MYO3B: variants seen among roughly 807,000 people sequenced by gnomAD.
MYO3B encodes myosin-IIIb.
A neutral mutation model predicts 174.6 loss-of-function variants in MYO3B; 156 were observed. That is an observed-to-expected ratio of 0.89 (90% confidence interval 0.78 to 1.02). The LOEUF is 1.02. Ranked by LOEUF, MYO3B falls within the 50% of genes least tolerant of loss-of-function variation. MYO3B has a pLI of 0.00. For missense variants in MYO3B, 1,632 were observed against 1,639.4 expected (o/e 1.00, Z 0.08); for synonymous variants, 563 against 569.1 (o/e 0.99, Z 0.15).
intron 32 of MYO3B, among the ~76,000 whole-genome samples, chr2:170,585,376 C>CA (rs35829102): frequency 6.6e-6 from 1 of 151,268 alleles, no homozygotes; most frequent in African/African-American, 2.4e-5. Context: ...GGGGAGGACC[C>CA]AAAAAAAGTA....
intron 32 of MYO3B, among the ~76,000 whole-genome samples, chr2:170,579,535 A>G (rs1330178238): frequency 2.0e-5 from 3 of 152,220 alleles, no homozygotes; most frequent in East Asian, 1.9e-4. Flanking sequence ...ATTCCCTACC[A>G]TATTTTTATA....
At chr2:170,571,962 G>A (rs534877884) in intron 32 of MYO3B, among the ~76,000 whole-genome samples, 1 of 152,308 alleles carries the variant, frequency 6.6e-6, no homozygotes, top group South Asian at 2.1e-4. Flanking sequence ...CAGTCTTTCA[G>A]TATACCATTG....
chr2:170,307,484 G>T (rs1199504936), intron 7 of MYO3B, among the ~76,000 whole-genome samples: 1 of 152,174 alleles, frequency 6.6e-6, no homozygotes, highest in Non-Finnish European at 1.5e-5. Flanking sequence ...ATATAATAGA[G>T]AATGTATTGC....
At chr2:170,330,432 A>T (rs1426347104) in intron 7 of MYO3B, among the ~76,000 whole-genome samples, 1 of 152,172 alleles carries the variant, frequency 6.6e-6, no homozygotes, top group Non-Finnish European at 1.5e-5. Context: ...TGGTTCTTCC[A>T]ATTTTTGCTG....
At chr2:170,536,681 A>C (rs1041807412) in intron 30 of MYO3B, among the ~76,000 whole-genome samples, 1 of 152,244 alleles carries the variant, frequency 6.6e-6, no homozygotes, top group African/African-American at 2.4e-5. Flanking sequence ...AATTAAAATA[A>C]TAGTGAGGCA....
chr2:170,192,587 A>G (rs1338026816), intron 1 of MYO3B, among the ~76,000 whole-genome samples: 1 of 149,522 alleles, frequency 6.7e-6, no homozygotes, highest in Non-Finnish European at 1.5e-5. Flanking sequence ...TTTTTCTTCT[A>G]CTTTCCTTAT....
At chr2:170,553,127 GC>G (rs1403499450) in intron 32 of MYO3B, among the ~76,000 whole-genome samples, 1 of 152,212 alleles carries the variant, frequency 6.6e-6, no homozygotes, top group Non-Finnish European at 1.5e-5. Flanking sequence ...ATAGGGCAGT[GC>G]AGAGGAGAAA....
At chr2:170,242,932 A>G (rs1020497156) in intron 7 of MYO3B, among the ~76,000 whole-genome samples, 9 of 152,204 alleles carry the variant, frequency 5.9e-5, no homozygotes, top group African/African-American at 2.2e-4. Flanking sequence ...AGGAATAATT[A>G]TAACTGCCTT....
chr2:170,517,041 C>A (rs1345190831), intron 29 of MYO3B, among the ~76,000 whole-genome samples: 1 of 152,202 alleles, frequency 6.6e-6, no homozygotes, highest in African/African-American at 2.4e-5. Context: ...CCAACTGTCA[C>A]CAGCTCATAC....
At chr2:170,521,634 G>A (rs569227496) in intron 30 of MYO3B, among the ~76,000 whole-genome samples, 69 of 152,012 alleles carry the variant, frequency 4.5e-4, no homozygotes, top group African/African-American at 1.6e-3. Context: ...TGCCATCCAG[G>A]CCCTACCACT....
chr2:170,379,729 C>T (rs1289590967), intron 9 of MYO3B, among the ~76,000 whole-genome samples: 1 of 149,858 alleles, frequency 6.7e-6, no homozygotes, highest in Non-Finnish European at 1.5e-5. Flanking sequence ...TTTTAAACTG[C>T]TTAGGTTATA....
intron 32 of MYO3B, among the ~76,000 whole-genome samples, chr2:170,589,737 T>C (rs910687448): frequency 2.0e-5 from 3 of 152,182 alleles, no homozygotes; most frequent in Non-Finnish European, 2.9e-5. Flanking sequence ...TAATTTATTA[T>C]TGAAGAAAGA....
At chr2:170,443,760 TAA>T (rs2094819654) in intron 22 of MYO3B, among the ~76,000 whole-genome samples, 1 of 118,224 alleles carries the variant, frequency 8.5e-6, no homozygotes, top group Non-Finnish European at 1.9e-5. Flanking sequence ...ATTCAATTTA[TAA>T]GTTACAAATT....
At chr2:170,349,937 G>T (rs775653022) in intron 8 of MYO3B, 1 of 152,164 alleles carries the variant, frequency 6.6e-6, no homozygotes, top group African/African-American at 2.4e-5. Context: ...AGAATAAGGG[G>T]TGGCAAAAGT....
chr2:170,308,512 G>T (rs2093716019), intron 7 of MYO3B, among the ~76,000 whole-genome samples: 1 of 152,150 alleles, frequency 6.6e-6, no homozygotes, highest in Non-Finnish European at 1.5e-5. Flanking sequence ...TGACATTTAT[G>T]TAGGGATAAT....
rs188856626 is a variant in MYO3B at position 170,193,887 on chromosome 2, A to C, written c.3-5321A>C. Among the ~76,000 whole-genome samples the C allele has an allele frequency of 8.5e-4, 129 of 152,318 alleles. No homozygotes were observed. The Middle Eastern group carries it at 0.017, about 20-fold the overall frequency. On this transcript the variant is annotated intron_variant, in intron 1 of 34. Transcript: ENST00000408978. The stretch of plus-strand genomic sequence containing the variant: ...TTAATTTAGCATCAAAAAATAAAGA[A>C]AAATGAGGAATTTTCACCCTTATTT...
intron 32 of MYO3B, among the ~76,000 whole-genome samples, chr2:170,622,369 C>T (rs10930434): frequency 0.53 from 80,924 of 151,888 alleles, 23,081 homozygotes; most frequent in Non-Finnish European, 0.65. Context: ...ATTTTCTGTC[C>T]TGAGAAGAGC....
intron 32 of MYO3B, among the ~76,000 whole-genome samples, chr2:170,627,704 A>T (rs1027167046): frequency 2.6e-5 from 4 of 152,056 alleles, no homozygotes; most frequent in Non-Finnish European, 5.9e-5. Context: ...GTCTTTGATG[A>T]TGGTGACCTA....
At chr2:170,450,598 A>G (rs560884355) in intron 23 of MYO3B, among the ~76,000 whole-genome samples, 1 of 152,208 alleles carries the variant, frequency 6.6e-6, no homozygotes, top group East Asian at 1.9e-4. Context: ...CAAAAGGCAA[A>G]CAAGATTTGT....
Sources: gnomAD v4.1 joint callset for allele counts (sites outside exome capture counted in the v4.1 genomes callset) on GRCh38, gnomAD v4.1.1 for gene constraint, MANE v1.5 for transcripts, NCBI Gene and HGNC (gene_info 2026-07-23, HGNC 2026-07-21) for gene names.